Variants in GPR89B observed in about 807,000 individuals in gnomAD.
The protein encoded by GPR89B is golgi pH regulator B.
In GPR89B, 25 loss-of-function variants were observed where a neutral mutation model predicts 52.4. The ratio of observed to expected loss-of-function variants is 0.48; its 90% CI spans 0.35 to 0.67. The LOEUF is 0.67. GPR89B is among the 30% of genes least tolerant of loss of function. GPR89B has a pLI of 0.01. For missense variants in GPR89B, 146 were observed against 450.2 expected (o/e 0.32, Z 6.11); for synonymous variants, 52 against 151.2 (o/e 0.34, Z 4.81).
chr1:147,992,488 C>T lies in GPR89B; in HGVS notation c.1096-14C>T, dbSNP rs1350415492. The T allele has an allele frequency of 2.5e-6, 4 of 1,611,226 alleles. No individual in the cohort carries two copies. Among genetic ancestry groups the T allele is most frequent in the Admixed American group, 3.3e-5 (2 of 59,956 alleles). On this transcript the variant is annotated splice_polypyrimidine_tract_variant and intron_variant, in intron 12 of 13. Coordinates refer to ENST00000314163, the MANE Select transcript of GPR89B (RefSeq NM_016334.5). ...AACAGTACTGCATAAATTTATCTCC[C>T]TCTTTCTTGACAGTTCTTTTATGCC...
At chr1:148,016,756 G>GCTTC in the GPR89B span, among the ~76,000 whole-genome samples, 2 of 151,604 alleles carry the variant, frequency 1.3e-5, no homozygotes, top group South Asian at 4.2e-4. Context: ...GAAAATAAAT[G>GCTTC]CTTCCTTTCC....
At chr1:148,013,430 C>G in the GPR89B span, among the ~76,000 whole-genome samples, 2 of 152,092 alleles carry the variant, frequency 1.3e-5, no homozygotes, top group Admixed American at 6.5e-5. Context: ...CTCCCCAAGA[C>G]CCTCCGAAGG....
chr1:148,000,121 G>A, the GPR89B span, among the ~76,000 whole-genome samples: 3 of 151,582 alleles, frequency 2.0e-5, no homozygotes, highest in East Asian at 1.9e-4. Context: ...TTTACTTTTA[G>A]GTTAGTATAG....
At chr1:147,980,617 T>C (rs1165448998) in intron 10 of GPR89B, among the ~76,000 whole-genome samples, 3 of 147,414 alleles carry the variant, frequency 2.0e-5, no homozygotes, top group Non-Finnish European at 4.5e-5. Context: ...GTTCTTAATA[T>C]ATTCATAGTT....
At chr1:147,981,030 T>G (rs1658207272) in intron 10 of GPR89B, among the ~76,000 whole-genome samples, 1 of 150,910 alleles carries the variant, frequency 6.6e-6, no homozygotes, top group Non-Finnish European at 1.5e-5. Context: ...ATAATGGGGT[T>G]GGGGGGGGCT....
intron 5 of GPR89B, among the ~76,000 whole-genome samples, chr1:147,950,497 C>A (rs1481845064): frequency 1.3e-4 from 20 of 151,998 alleles, no homozygotes; most frequent in Non-Finnish European, 2.5e-4. Flanking sequence ...CGATGGGCGG[C>A]CAGGCAGAGA....
chr1:148,019,050 C>G, the GPR89B span, among the ~76,000 whole-genome samples: 1 of 151,744 alleles, frequency 6.6e-6, no homozygotes, highest in Non-Finnish European at 1.5e-5. Flanking sequence ...GATCTCGGCT[C>G]ACTGCAACCT....
chr1:147,948,813 G>T (rs1156650339), intron 5 of GPR89B, among the ~76,000 whole-genome samples: 1 of 149,530 alleles, frequency 6.7e-6, no homozygotes, highest in Non-Finnish European at 1.5e-5. Context: ...CACAGAGGGG[G>T]ATTTGGCAGG....
chr1:148,009,197 G>A, the GPR89B span: 2 of 670,804 alleles, frequency 3.0e-6, no homozygotes, highest in Non-Finnish European at 2.6e-6. Flanking sequence ...GGGAGTGAGA[G>A]ACGGAGGGAG....
the GPR89B span, among the ~76,000 whole-genome samples, chr1:148,000,614 C>T: frequency 6.7e-6 from 1 of 149,124 alleles, no homozygotes; most frequent in African/African-American, 2.5e-5. Flanking sequence ...CCATCATATT[C>T]CCCCCTCTGT....
At chr1:147,969,056 C>G in intron 9 of GPR89B, 93 bp downstream of exon 9, 1 of 889,406 alleles carries the variant, frequency 1.1e-6, no homozygotes, top group South Asian at 1.7e-5. Context: ...TGTGGCCAAG[C>G]AAGAGATACC....
At chr1:147,930,800 A>G (rs1348728938) in intron 1 of GPR89B, among the ~76,000 whole-genome samples, 10 of 151,988 alleles carry the variant, frequency 6.6e-5, no homozygotes, top group Non-Finnish European at 1.3e-4. Context: ...TGTGGCTCCA[A>G]TTTATTCTTT....
chr1:147,950,149 C>T (rs1313180654), intron 5 of GPR89B, among the ~76,000 whole-genome samples: 4 of 149,214 alleles, frequency 2.7e-5, no homozygotes, highest in South Asian at 2.1e-4. Flanking sequence ...GGGTGGCTGC[C>T]GGGCGGAGGG....
At position 147,961,622 on chromosome 1, in the gene GPR89B, C is replaced by A. The variant is rs1261487011; in HGVS notation, c.618-4932C>A. On this transcript the variant is annotated intron_variant, in intron 7 of 13. Transcript: ENST00000314163. The stretch of plus-strand genomic sequence containing the variant: ...GAGTTTGAGTGCAGCCTGAGAGCAA[C>A]GTAACAAGACCCCATCTTGAAAATC... Among the ~76,000 whole-genome samples the A allele has an allele frequency of 4.9e-3, 735 of 149,738 alleles. 4 individuals carry two copies. The highest frequency in any genetic ancestry group is 0.017 in the African/African-American group (690 of 39,758).
chr1:147,990,545 T>C (rs1284815959), intron 12 of GPR89B, among the ~76,000 whole-genome samples: 1 of 152,208 alleles, frequency 6.6e-6, no homozygotes, highest in Non-Finnish European at 1.5e-5. Context: ...CTGAATGTTA[T>C]TGCCTAGGTT....
chr1:147,950,114 A>G, intron 5 of GPR89B, among the ~76,000 whole-genome samples: 1 of 151,036 alleles, frequency 6.6e-6, no homozygotes, highest in South Asian at 2.1e-4. Context: ...GCTGCCGGGC[A>G]GAGACGCTCC....
intron 10 of GPR89B, among the ~76,000 whole-genome samples, chr1:147,981,989 T>C (rs1658288573): frequency 6.6e-6 from 1 of 151,808 alleles, no homozygotes; most frequent in Non-Finnish European, 1.5e-5. Flanking sequence ...TGTTTTAATT[T>C]CTCTTATGTG....
At chr1:147,993,619 GCCCCTCAC>G, downstream of GPR89B, 1 of 155,586 alleles carries the variant, frequency 6.4e-6, no homozygotes, top group Middle Eastern at 3.4e-3. Context: ...TTTTCTATCT[GCCCCTCAC>G]GCTGTGGGGT....
At chr1:147,945,456 C>A (rs1188102151) in intron 5 of GPR89B, among the ~76,000 whole-genome samples, 1 of 152,052 alleles carries the variant, frequency 6.6e-6, no homozygotes, top group African/African-American at 2.4e-5. Flanking sequence ...GCAGGAATTT[C>A]GAGAGAGAGA....
Sources: gnomAD v4.1 joint callset for allele counts (sites outside exome capture counted in the v4.1 genomes callset) on GRCh38, gnomAD v4.1.1 for gene constraint, MANE v1.5 for transcripts, NCBI Gene and HGNC (gene_info 2026-07-23, HGNC 2026-07-21) for gene names.